Variants in MYOM1 observed in about 807,000 individuals in gnomAD.
MYOM1 encodes myomesin 1.
Under a neutral mutation model 205.3 loss-of-function variants are expected in MYOM1, and 164 were observed. The ratio of observed to expected loss-of-function variants is 0.80; its 90% CI spans 0.70 to 0.91. The LOEUF (loss-of-function observed/expected upper bound fraction) is 0.91, where lower values mean the gene tolerates loss of function less well. Ranked by LOEUF, MYOM1 falls within the 40% of genes least tolerant of loss-of-function variation. The pLI is 0.00. For missense variants in MYOM1, 2,011 were observed against 2,127.3 expected (o/e 0.95, Z 1.08); for synonymous variants, 772 against 789.4 (o/e 0.98, Z 0.37).
chr18:3,082,559 T>C (rs1486881773), intron 33 of MYOM1, among the ~76,000 whole-genome samples: 4 of 152,200 alleles, frequency 2.6e-5, no homozygotes, highest in Non-Finnish European at 1.5e-5. Flanking sequence ...GGGGATGCCA[T>C]GTGACCTTCT....
the MYOM1 span, among the ~76,000 whole-genome samples, chr18:3,235,466 A>G: frequency 2.0e-5 from 3 of 152,228 alleles, no homozygotes; most frequent in East Asian, 3.8e-4. Flanking sequence ...TATGCATGGC[A>G]TCCCACTGAC....
In MYOM1 at chr18:3,154,964, G is replaced by T. The variant is rs768451222; in HGVS notation, c.1626C>A (p.Leu542=). The T allele has an allele frequency of 6.2e-7, 1 of 1,611,840 alleles. No homozygotes were observed. The highest frequency in any genetic ancestry group is 1.3e-5 in the African/African-American group (1 of 75,004). ...GCACTAACTTATCAATAAAATATCC[G>T]AGAATAGGACTCCCTCCATCGACAG... The part of the protein sequence containing the change: ...QPAVDGGSPI[L]GYFIDKCEVG... The change falls in exon 11 of 38, where the codon CTC becomes CTA. Residue 542 remains leucine, a synonymous_variant. Transcript: ENST00000356443.
intron 37 of MYOM1, among the ~76,000 whole-genome samples, chr18:3,070,014 T>A (rs2078941627): frequency 6.6e-6 from 1 of 152,348 alleles, no homozygotes; most frequent in East Asian, 1.9e-4. Flanking sequence ...CTAAAGCATT[T>A]CCACATGCCT....
intron 23 of MYOM1, among the ~76,000 whole-genome samples, chr18:3,102,164 G>T (rs1378446395): frequency 2.6e-5 from 4 of 151,606 alleles, no homozygotes; most frequent in Non-Finnish European, 4.4e-5. Context: ...ACCACACCCG[G>T]CTAATTTTTT....
At chr18:3,238,022 T>C in the MYOM1 span, among the ~76,000 whole-genome samples, 2 of 152,152 alleles carry the variant, frequency 1.3e-5, no homozygotes, top group Non-Finnish European at 2.9e-5. Flanking sequence ...ATGATTCAAC[T>C]CATTACATTT....
chr18:3,106,914 C>T (rs1173762076), intron 22 of MYOM1, among the ~76,000 whole-genome samples: 1 of 152,140 alleles, frequency 6.6e-6, no homozygotes, highest in Non-Finnish European at 1.5e-5. Flanking sequence ...AAGAGTTTCC[C>T]TTATCTGTGA....
intron 22 of MYOM1, among the ~76,000 whole-genome samples, chr18:3,104,745 C>CTTTTTTT (rs745369627): frequency 1.5e-4 from 12 of 80,582 alleles, no homozygotes; most frequent in South Asian, 5.3e-4. Flanking sequence ...GAATTGGAAT[C>CTTTTTTT]TTTTTTTTTT....
At chr18:3,075,593 A>G in intron 35 of MYOM1, 117 bp from the exon 36 acceptor site, 1 of 1,419,714 alleles carries the variant, frequency 7.0e-7, no homozygotes, top group East Asian at 2.3e-5. Context: ...TCAATATAAC[A>G]ATGGGAAGTG....
chr18:3,115,605 A>G (rs149832118), intron 21 of MYOM1, among the ~76,000 whole-genome samples: 2 of 152,308 alleles, frequency 1.3e-5, no homozygotes, highest in Admixed American at 6.5e-5. Flanking sequence ...AAGTAATGCA[A>G]TCATATTCCC....
intron 34 of MYOM1, among the ~76,000 whole-genome samples, chr18:3,077,203 G>T (rs2079030113): frequency 6.6e-6 from 1 of 151,716 alleles, no homozygotes; most frequent in African/African-American, 2.4e-5. Flanking sequence ...TTATTTTGTA[G>T]AGACAGGGTC....
chr18:3,119,195 A>G (rs978487885), intron 20 of MYOM1, among the ~76,000 whole-genome samples: 2 of 152,028 alleles, frequency 1.3e-5, no homozygotes, highest in Non-Finnish European at 2.9e-5. Context: ...TCTGAAGAAC[A>G]GTATTTGCCA....
chr18:3,214,740 T>C (rs1026256206), intron 2 of MYOM1, among the ~76,000 whole-genome samples, 194 bp downstream of exon 2: 7 of 151,984 alleles, frequency 4.6e-5, no homozygotes, highest in African/African-American at 1.5e-4. Flanking sequence ...GGAGAATCGA[T>C]TGAACCCAGG....
At chr18:3,193,716 T>TCTATAATCTGTCCACAACAATTATGA (rs2080952005) in intron 3 of MYOM1, 102 bp downstream of exon 3, 1 of 1,247,532 alleles carries the variant, frequency 8.0e-7, no homozygotes, top group African/African-American at 1.5e-5. Flanking sequence ...AGCTGCTATT[T>TCTATAATCTGTCCACAACAATTATGA]CTATAATCTG....
At chr18:3,138,359 G>A (rs542722373) in intron 14 of MYOM1, among the ~76,000 whole-genome samples, 1 of 152,062 alleles carries the variant, frequency 6.6e-6, no homozygotes, top group African/African-American at 2.4e-5. Context: ...GATGATCTTC[G>A]TTGACTTGAC....
At chr18:3,187,360 C>T in intron 5 of MYOM1, 120 bp downstream of exon 5, 1 of 1,138,600 alleles carries the variant, frequency 8.8e-7, no homozygotes, top group South Asian at 1.7e-5. Context: ...CTTTTAAAAA[C>T]CTATACAATC....
chr18:3,114,505 G>A (rs1193834307), intron 21 of MYOM1, among the ~76,000 whole-genome samples: 1 of 148,368 alleles, frequency 6.7e-6, no homozygotes, highest in African/African-American at 2.5e-5. Context: ...AGCCTCCTGA[G>A]TAGCTGGGAA....
chr18:3,078,629 CCTCA>C (rs1178413477), intron 34 of MYOM1, among the ~76,000 whole-genome samples: 2 of 151,856 alleles, frequency 1.3e-5, no homozygotes, highest in Non-Finnish European at 2.9e-5. Flanking sequence ...AGAGCTGGGG[CCTCA>C]CTATGTTGCC....
intron 19 of MYOM1, among the ~76,000 whole-genome samples, chr18:3,126,073 A>G (rs1053677677): frequency 2.6e-5 from 4 of 152,142 alleles, no homozygotes; most frequent in Admixed American, 2.0e-4. Context: ...GTTTGAGACC[A>G]GCCTGGCCAA....
At chr18:3,147,093 TATAG>T (rs898177615) in intron 13 of MYOM1, among the ~76,000 whole-genome samples, 5 of 143,612 alleles carry the variant, frequency 3.5e-5, no homozygotes, top group African/African-American at 7.7e-5. Context: ...TATTATACAT[TATAG>T]ATAAATATAT....
Sources: allele counts gnomAD v4.1 joint callset (sites outside exome capture counted in the v4.1 genomes callset), GRCh38; gene constraint gnomAD v4.1.1; transcripts MANE v1.5; gene names NCBI Gene and HGNC (gene_info 2026-07-23, HGNC 2026-07-21).